TAMM41: variants seen among roughly 807,000 people sequenced by gnomAD.
TAMM41 encodes the protein phosphatidate cytidylyltransferase, mitochondrial.
Under a neutral mutation model 44.1 loss-of-function variants are expected in TAMM41, and 36 were observed. The ratio of observed to expected loss-of-function variants is 0.82; its 90% CI spans 0.63 to 1.08. The LOEUF (loss-of-function observed/expected upper bound fraction) is 1.08, where lower values mean the gene tolerates loss of function less well. Ranked by LOEUF, TAMM41 falls within the 50% of genes least tolerant of loss-of-function variation. TAMM41 has a pLI of 0.00. For missense variants in TAMM41, 417 were observed against 404.3 expected (o/e 1.03, Z -0.27); for synonymous variants, 164 against 153.1 (o/e 1.07, Z -0.53).
chr3:11,757,622 G>A, the TAMM41 span, among the ~76,000 whole-genome samples: 27,672 of 152,182 alleles, frequency 0.18, 2,652 homozygotes, highest in Non-Finnish European at 0.2. Context: ...TATTCCTCGC[G>A]TGGATATCAG....
chr3:11,793,657 A>G lies in TAMM41; in HGVS notation c.938-3076T>C, dbSNP rs114138507. On this transcript the variant is annotated intron_variant, in intron 7 of 7. Transcript: ENST00000455809. ...ACAGCAGAATACTGCACTGGGCAGA[A>G]ATGAACCACTGCTACTCCCAACACG... Among the ~76,000 whole-genome samples the G allele has an allele frequency of 8.0e-3, 1,226 of 152,358 alleles. 10 individuals carry two copies. The highest frequency in any genetic ancestry group is 0.028 in the African/African-American group (1,167 of 41,574).
intron 4 of TAMM41, among the ~76,000 whole-genome samples, chr3:11,823,066 T>C (rs999388209): frequency 6.6e-6 from 1 of 152,186 alleles, no homozygotes; most frequent in African/African-American, 2.4e-5. Flanking sequence ...ATCACAGCCA[T>C]TGTAGCAGGT....
the TAMM41 span, among the ~76,000 whole-genome samples, chr3:11,778,255 C>T: frequency 2.0e-5 from 3 of 151,922 alleles, no homozygotes; most frequent in Admixed American, 1.3e-4. Context: ...GACAGGGTCT[C>T]GTTCTGTCAC....
the TAMM41 span, among the ~76,000 whole-genome samples, chr3:11,740,810 G>C: frequency 0.98 from 145,823 of 148,236 alleles, 71,705 homozygotes; most frequent in East Asian, 1. Context: ...AGGTGATCCG[G>C]CTGTCTTGGC....
At chr3:11,786,623 G>C (rs550839194), downstream of TAMM41, among the ~76,000 whole-genome samples, 1 of 151,368 alleles carries the variant, frequency 6.6e-6, no homozygotes, top group Non-Finnish European at 1.5e-5. Context: ...ATTATACTTA[G>C]GGTTGTTTTC....
chr3:11,830,776 T>G (rs994589789), intron 3 of TAMM41: 1 of 151,226 alleles, frequency 6.6e-6, no homozygotes, highest in African/African-American at 2.4e-5. Flanking sequence ...GAGGTTGAGG[T>G]AGGAAGACAG....
chr3:11,807,345 C>T, intron 7 of TAMM41: 2 of 1,462,152 alleles, frequency 1.4e-6, no homozygotes, highest in African/African-American at 1.4e-5. Context: ...TGACTTCTAA[C>T]CTCCCATAGA....
chr3:11,801,338 CCT>C (rs912082279), intron 7 of TAMM41, among the ~76,000 whole-genome samples: 4 of 143,630 alleles, frequency 2.8e-5, no homozygotes, highest in Admixed American at 2.0e-4. Flanking sequence ...ATTTTTTTCC[CCT>C]GAGACCCCTG....
the TAMM41 span, among the ~76,000 whole-genome samples, chr3:11,761,946 C>CAAAAAAAAA: frequency 4.0e-5 from 3 of 74,980 alleles, no homozygotes; most frequent in Admixed American, 1.7e-4. Flanking sequence ...GACTCTGTCT[C>CAAAAAAAAA]AAAAAAAAAA....
chr3:11,824,029 G>A (rs1422508288), intron 4 of TAMM41, among the ~76,000 whole-genome samples: 1 of 151,932 alleles, frequency 6.6e-6, no homozygotes, highest in Non-Finnish European at 1.5e-5. Flanking sequence ...GTTTCACCAT[G>A]TTGGCCAGAC....
chr3:11,818,100 C>T (rs1413281472), intron 4 of TAMM41, among the ~76,000 whole-genome samples: 1 of 152,218 alleles, frequency 6.6e-6, no homozygotes, highest in Non-Finnish European at 1.5e-5. Context: ...AATGTGAAAT[C>T]ACAAGAGGCT....
At chr3:11,838,628 G>A (rs950046134) in intron 3 of TAMM41, among the ~76,000 whole-genome samples, 5 of 152,162 alleles carry the variant, frequency 3.3e-5, no homozygotes, top group Admixed American at 6.5e-5. Flanking sequence ...GGTGTGGAGC[G>A]CCACGACTTC....
intron 7 of TAMM41, among the ~76,000 whole-genome samples, chr3:11,796,545 T>C (rs2077611063): frequency 6.6e-6 from 1 of 152,126 alleles, no homozygotes; most frequent in Admixed American, 6.6e-5. Flanking sequence ...ATCCCATTTA[T>C]GAGTAGGAGG....
the TAMM41 span, among the ~76,000 whole-genome samples, chr3:11,742,750 C>A: frequency 0.026 from 3,958 of 150,362 alleles, 487 homozygotes; most frequent in African/African-American, 0.09. Context: ...CCACACCTGG[C>A]TAATTAAAAC....
At chr3:11,805,366 G>A (rs1255221542) in intron 7 of TAMM41, among the ~76,000 whole-genome samples, 2 of 152,038 alleles carry the variant, frequency 1.3e-5, no homozygotes, top group African/African-American at 4.8e-5. Flanking sequence ...CAAACTCCAG[G>A]ACTCAAGTGA....
intron 4 of TAMM41, among the ~76,000 whole-genome samples, chr3:11,825,471 TA>T (rs1308281319): frequency 6.6e-6 from 1 of 152,196 alleles, no homozygotes; most frequent in Non-Finnish European, 1.5e-5. Context: ...CACCACAGAA[TA>T]AATCTTACTA....
At chr3:11,749,901 C>CT in the TAMM41 span, among the ~76,000 whole-genome samples, 339 of 135,954 alleles carry the variant, frequency 2.5e-3, no homozygotes, top group Middle Eastern at 3.8e-3. Context: ...CTTTTTCTTT[C>CT]TTTTTTTTTT....
At chr3:11,735,988 A>G in the TAMM41 span, among the ~76,000 whole-genome samples, 2 of 152,306 alleles carry the variant, frequency 1.3e-5, no homozygotes, top group East Asian at 3.9e-4. Flanking sequence ...TGAATAGATC[A>G]TGCAGTAGCC....
chr3:11,816,056 T>C (rs551417757), intron 5 of TAMM41, among the ~76,000 whole-genome samples: 71 of 152,348 alleles, frequency 4.7e-4, no homozygotes, highest in African/African-American at 1.7e-3. Context: ...TATGTCACTC[T>C]CTATTCTTTT....
Sources: gnomAD v4.1 joint callset for allele counts (sites outside exome capture counted in the v4.1 genomes callset) on GRCh38, gnomAD v4.1.1 for gene constraint, MANE v1.5 for transcripts, NCBI Gene and HGNC (gene_info 2026-07-23, HGNC 2026-07-21) for gene names.